The following FAM184B variants were observed in gnomAD, a reference collection of about 807,000 sequenced individuals.
FAM184B encodes the protein protein FAM184B.
FAM184B carries 111 observed loss-of-function variants against 135.9 expected under a neutral mutation model. The ratio of observed to expected loss-of-function variants is 0.82; its 90% CI spans 0.70 to 0.96. FAM184B has a LOEUF of 0.96. Ranked by LOEUF, FAM184B falls within the 40% of genes least tolerant of loss-of-function variation. FAM184B has a pLI of 0.00. For synonymous variants in FAM184B, 552 were observed against 524.8 expected (o/e 1.05, Z -0.71); for missense variants, 1,375 against 1,323.9 (o/e 1.04, Z -0.60).
chr4:17,764,930 G>C (rs944290294), intron 1 of FAM184B, among the ~76,000 whole-genome samples: 1 of 152,258 alleles, frequency 6.6e-6, no homozygotes, highest in African/African-American at 2.4e-5. Flanking sequence ...GCTGGGTGTG[G>C]TTGCACACAT....
At chr4:17,718,592 G>A (rs1023522948) in intron 1 of FAM184B, among the ~76,000 whole-genome samples, 7 of 152,226 alleles carry the variant, frequency 4.6e-5, no homozygotes, top group African/African-American at 1.4e-4. Flanking sequence ...GAACTTGGCT[G>A]TGTGACTTGC....
intron 7 of FAM184B, among the ~76,000 whole-genome samples, chr4:17,675,953 C>T (rs1716301871): frequency 1.3e-5 from 2 of 152,152 alleles, no homozygotes; most frequent in South Asian, 4.1e-4. Context: ...TCCATATCAG[C>T]AGTAGGTTTG....
chr4:17,639,419 C>G, intron 13 of FAM184B, 23 bp from the exon 14 acceptor site: 1 of 1,549,936 alleles, frequency 6.5e-7, no homozygotes, highest in Non-Finnish European at 8.7e-7. Context: ...AAAGCACAGC[C>G]AGGCTTGCCC....
At chr4:17,739,555 G>GTTTTTTTTTGTTTTTTTTTTTTTTTTT (rs1553841417) in intron 1 of FAM184B, among the ~76,000 whole-genome samples, 6 of 62,508 alleles carry the variant, frequency 9.6e-5, no homozygotes, top group African/African-American at 2.5e-4. Context: ...CATACCAACT[G>GTTTTTTTTTGTTTTTTTTTTTTTTTTT]TTTTTTTTTT....
rs534342672 is a variant in FAM184B at position 17,651,241 on chromosome 4, G to A, written c.2191+1589C>T. ...TCTCCAGAATCAGGCATACAACATT[G>A]AAATATTCAGTCATGGCCGGGCGCA... On this transcript the variant is annotated intron_variant, in intron 11 of 17. Transcript: ENST00000265018. Among the ~76,000 whole-genome samples the A allele has an allele frequency of 5.3e-5, 8 of 152,212 alleles. No individual in the cohort carries two copies. The East Asian group carries it at 1.4e-3, about 26-fold the overall frequency.
chr4:17,709,481 TG>T lies in FAM184B; in HGVS notation c.304del (p.Gln102ArgfsTer13), dbSNP rs1263182545. On this transcript the variant is annotated frameshift_variant, in exon 2 of 18. Coordinates refer to ENST00000265018, the MANE Select transcript of FAM184B (RefSeq NM_015688.2). LOFTEE classifies it high-confidence loss of function. The part of the protein sequence containing the change: ...AEEEALLQRI[Q>X]ALESALELQK... ...CAGCTCCAGGGCGCTCTCCAGGGCC[TG>T]GATGCGCTGTAGAAGGGCTTCCTCC... 5.9e-5 allele frequency: 91 copies of T among 1,546,792 alleles called. No homozygotes were observed. The highest frequency in any genetic ancestry group is 7.7e-5 in the Non-Finnish European group (88 of 1,144,456).
chr4:17,747,186 G>A (rs1487501955), intron 1 of FAM184B, among the ~76,000 whole-genome samples: 1 of 152,140 alleles, frequency 6.6e-6, no homozygotes, highest in Non-Finnish European at 1.5e-5. Flanking sequence ...GGGGGGCGGT[G>A]TGAGCCAAGG....
chr4:17,709,430 A>AGC lies in FAM184B; in HGVS notation c.354_355dup (p.Leu119ArgfsTer17). 1 of 1,519,800 alleles carries AGC rather than the reference A, an allele frequency of 6.6e-7. No individual in the cohort carries two copies. Among genetic ancestry groups the AGC allele is most frequent in the South Asian group, 1.2e-5 (1 of 80,278 alleles). The allele number at this position is 1,519,800 out of a possible 1,614,324, so 94.1% of individuals were successfully genotyped here. ...CAGCCTGCACGAGGCCGACTCAGCCAGCGCCTCCTCCGTCAGCCTCTTTTG... is the reference window on the plus strand; with the variant it reads ...CAGCCTGCACGAGGCCGACTCAGCCAGCGCGCCTCCTCCGTCAGCCTCTTTTG... On this transcript the variant is annotated frameshift_variant, in exon 2 of 18. Coordinates refer to ENST00000265018, the MANE Select transcript of FAM184B (RefSeq NM_015688.2). LOFTEE classifies it high-confidence loss of function.
At chr4:17,718,999 C>T (rs1000773004) in intron 1 of FAM184B, among the ~76,000 whole-genome samples, 2 of 152,218 alleles carry the variant, frequency 1.3e-5, no homozygotes, top group Non-Finnish European at 2.9e-5. Context: ...AAGATGCCCA[C>T]TGGATGTCTG....
At chr4:17,648,330 T>C (rs76430312) in intron 11 of FAM184B, among the ~76,000 whole-genome samples, 2 of 151,938 alleles carry the variant, frequency 1.3e-5, no homozygotes, top group Non-Finnish European at 2.9e-5. Context: ...GTTGGAAATT[T>C]TGAAATTTAT....
intron 1 of FAM184B, among the ~76,000 whole-genome samples, chr4:17,763,354 A>G (rs1264148310): frequency 1.3e-5 from 2 of 152,090 alleles, no homozygotes; most frequent in Non-Finnish European, 2.9e-5. Flanking sequence ...CAAATGAGCT[A>G]CTGATTAGGT....
rs199549580 is a variant in FAM184B at position 17,632,043 on chromosome 4, A to ATTTTTTTTTTTTTTTTTT, written c.*471_*488dup. The ATTTTTTTTTTTTTTTTTT allele has an allele frequency of 1.0e-4, 12 of 117,622 alleles. No individual in the cohort carries two copies. The highest frequency in any genetic ancestry group is 1.4e-4 in the Non-Finnish European group (8 of 56,564). 7.3% of individuals were successfully genotyped at this position (117,622 alleles called of 1,614,324 possible). ...TTTTAATAACACTGGTTTAATGTCA[A>ATTTTTTTTTTTTTTTTTT]TTTTTTTTTTTTTTTTTTTTTTTTT... On this transcript the variant is annotated 3_prime_UTR_variant, in exon 18 of 18. Coordinates refer to ENST00000265018, the MANE Select transcript of FAM184B (RefSeq NM_015688.2).
chr4:17,636,356 G>A lies in FAM184B; in HGVS notation c.2784+172C>T, dbSNP rs369276098. ...GACCTCAAGTGATCCACCCGCCTCC[G>A]CCTCCCAAAGTGCTGGGATTACAGG... On this transcript the variant is annotated intron_variant, in intron 15 of 17. Coordinates refer to ENST00000265018, the MANE Select transcript of FAM184B (RefSeq NM_015688.2). 4.5e-4 allele frequency among the ~76,000 whole-genome samples: 69 copies of A among 152,260 alleles called. No homozygotes were observed. In the East Asian group the frequency reaches 7.0e-3, roughly 15 times the overall value.
chr4:17,677,234 G>A (rs777711666), intron 7 of FAM184B, among the ~76,000 whole-genome samples: 1 of 152,044 alleles, frequency 6.6e-6, no homozygotes, highest in Non-Finnish European at 1.5e-5. Context: ...TTTTTGTAGA[G>A]ATGGGGTTTT....
chr4:17,647,621 G>C lies in FAM184B; in HGVS notation c.2346+16C>G, dbSNP rs1404633159. 3 of 1,543,770 alleles carry C rather than the reference G, an allele frequency of 1.9e-6. No individual in the cohort carries two copies. Among genetic ancestry groups the C allele is most frequent in the Non-Finnish European group, 2.6e-6 (3 of 1,141,972 alleles). ...TCTGGGAGGGGTATTGCTGGTGCAA[G>C]GGCGGGGGCACTGACCTCTGTGGCG... On this transcript the variant is annotated intron_variant, in intron 12 of 17. Transcript: ENST00000265018.
intron 7 of FAM184B, among the ~76,000 whole-genome samples, chr4:17,676,715 T>C (rs1447509036): frequency 6.6e-6 from 1 of 152,232 alleles, no homozygotes; most frequent in Non-Finnish European, 1.5e-5. Flanking sequence ...ACATAGCCAT[T>C]GTAAAGATGT....
chr4:17,645,382 T>C (rs188166913), intron 12 of FAM184B, among the ~76,000 whole-genome samples: 131 of 152,228 alleles, frequency 8.6e-4, no homozygotes, highest in African/African-American at 3.0e-3. Context: ...AACAGAGATA[T>C]AGACCAATGG....
At chr4:17,749,859 G>A (rs767780926) in intron 1 of FAM184B, among the ~76,000 whole-genome samples, 2 of 152,110 alleles carry the variant, frequency 1.3e-5, no homozygotes, top group Non-Finnish European at 2.9e-5. Context: ...AGTTAAGATC[G>A]TGGTAAGTAT....
At chr4:17,751,904 G>A (rs1718303166) in intron 1 of FAM184B, among the ~76,000 whole-genome samples, 1 of 146,738 alleles carries the variant, frequency 6.8e-6, no homozygotes, top group Non-Finnish European at 1.5e-5. Flanking sequence ...AGGTAGAGGT[G>A]TGGCGGGATG....
Sources: gnomAD v4.1 joint callset for allele counts (sites outside exome capture counted in the v4.1 genomes callset) on GRCh38, gnomAD v4.1.1 for gene constraint, MANE v1.5 for transcripts, NCBI Gene and HGNC (gene_info 2026-07-23, HGNC 2026-07-21) for gene names.